Variants in PAN3 observed in about 807,000 individuals in gnomAD.
PAN3 encodes PAN2-PAN3 deadenylation complex subunit PAN3.
In PAN3, 19 loss-of-function variants were observed where a neutral mutation model predicts 96.2. The ratio of observed to expected loss-of-function variants is 0.20; its 90% CI spans 0.14 to 0.29. The LOEUF (loss-of-function observed/expected upper bound fraction) is 0.29. Ranked by LOEUF, PAN3 falls within the 10% of genes least tolerant of loss-of-function variation. PAN3 has a pLI of 1.00. For missense variants in PAN3, 882 were observed against 1,108.1 expected (o/e 0.80, Z 2.90); for synonymous variants, 433 against 406.6 (o/e 1.06, Z -0.78).
intron 1 of PAN3, among the ~76,000 whole-genome samples, chr13:28,153,268 G>A (rs949023959): frequency 4.1e-5 from 5 of 121,136 alleles, no homozygotes; most frequent in Non-Finnish European, 7.9e-5. Context: ...ACCGAGTCTC[G>A]CTCTGTTGCC....
At chr13:28,289,744 T>C (rs920495684) in intron 18 of PAN3, among the ~76,000 whole-genome samples, 4 of 152,136 alleles carry the variant, frequency 2.6e-5, no homozygotes, top group Non-Finnish European at 5.9e-5. Flanking sequence ...TAGCCGGGCA[T>C]GGTGACAGGC....
At chr13:28,171,302 T>G (rs923656997) in intron 1 of PAN3, among the ~76,000 whole-genome samples, 4 of 152,176 alleles carry the variant, frequency 2.6e-5, no homozygotes, top group African/African-American at 9.7e-5. Flanking sequence ...ACAACACTTT[T>G]GACACCAGAA....
intron 4 of PAN3, 53 bp from the exon 5 acceptor site, chr13:28,197,129 TAGA>T: frequency 6.4e-7 from 1 of 1,558,052 alleles, no homozygotes; most frequent in Non-Finnish European, 8.7e-7. Flanking sequence ...TATGTTAGTT[TAGA>T]TTAGTGTGGG....
intron 1 of PAN3, among the ~76,000 whole-genome samples, chr13:28,163,456 A>G (rs1366324524): frequency 1.3e-5 from 2 of 152,212 alleles, no homozygotes; most frequent in Non-Finnish European, 2.9e-5. Context: ...AAAACATACT[A>G]GGCACTTTAC....
At chr13:28,237,951 A>G (rs1283654499) in intron 6 of PAN3, among the ~76,000 whole-genome samples, 1 of 152,228 alleles carries the variant, frequency 6.6e-6, no homozygotes, top group Non-Finnish European at 1.5e-5. Context: ...AATTAAGTAT[A>G]TTGGTGTTGG....
intron 1 of PAN3, among the ~76,000 whole-genome samples, chr13:28,146,317 T>C (rs1272809464): frequency 2.0e-5 from 3 of 151,770 alleles, no homozygotes; most frequent in Non-Finnish European, 4.4e-5. Context: ...TCTCTCTCTC[T>C]CTCTCTCTCA....
chr13:28,286,586 G>A (rs987041749), intron 17 of PAN3, among the ~76,000 whole-genome samples: 1 of 152,134 alleles, frequency 6.6e-6, no homozygotes, highest in African/African-American at 2.4e-5. Context: ...TAGAATTAGG[G>A]TTCAGTTTTG....
At chr13:28,276,754 C>T (rs566593955) in intron 14 of PAN3, among the ~76,000 whole-genome samples, 1 of 152,282 alleles carries the variant, frequency 6.6e-6, no homozygotes, top group East Asian at 1.9e-4. Flanking sequence ...TCAGATAATC[C>T]TTCACATTCC....
Position 28,289,879 on chromosome 13 carries a change from C to G in PAN3, c.2523+1757C>G, listed in dbSNP as rs147141893. Among the ~76,000 whole-genome samples the G allele has an allele frequency of 7.2e-3, 1,093 of 151,118 alleles. 13 individuals are homozygous for G. The highest frequency in any genetic ancestry group is 0.026 in the African/African-American group (1,057 of 41,194). ...TCTGGCCGATAGAGCGAGACTCCGT[C>G]TCAAAAAAAAAAGAAAGAAAAGATT... On this transcript the variant is annotated intron_variant, in intron 18 of 18. Coordinates refer to ENST00000380958, the MANE Select transcript of PAN3 (RefSeq NM_175854.8).
At chr13:28,280,635 T>C in intron 16 of PAN3, 94 bp downstream of exon 16, 3 of 1,155,498 alleles carry the variant, frequency 2.6e-6, no homozygotes, top group Admixed American at 5.9e-5. Context: ...TATCTCGGCT[T>C]ACTGTAACCT....
chr13:28,176,339 A>T (rs1209627716), intron 2 of PAN3, among the ~76,000 whole-genome samples, 154 bp from the exon 3 acceptor site: 3 of 152,170 alleles, frequency 2.0e-5, no homozygotes, highest in Non-Finnish European at 4.4e-5. Flanking sequence ...ACATAGTTGT[A>T]ATCCAAGCAG....
At chr13:28,161,210 T>C (rs1872843833) in intron 1 of PAN3, among the ~76,000 whole-genome samples, 1 of 152,172 alleles carries the variant, frequency 6.6e-6, no homozygotes, top group African/African-American at 2.4e-5. Flanking sequence ...GGCGGGGAGC[T>C]TACACAACAG....
At chr13:28,167,732 T>A (rs1384861676) in intron 1 of PAN3, among the ~76,000 whole-genome samples, 2 of 150,130 alleles carry the variant, frequency 1.3e-5, no homozygotes, top group Non-Finnish European at 3.0e-5. Flanking sequence ...TAGTCCCACC[T>A]ATTTGGGGGC....
At chr13:28,162,101 C>T (rs1447129739) in intron 1 of PAN3, among the ~76,000 whole-genome samples, 1 of 152,148 alleles carries the variant, frequency 6.6e-6, no homozygotes, top group Non-Finnish European at 1.5e-5. Context: ...ACTGGGCATG[C>T]CAGTATACTG....
chr13:28,200,321 C>T (rs957595104), intron 5 of PAN3, among the ~76,000 whole-genome samples: 1 of 152,176 alleles, frequency 6.6e-6, no homozygotes, highest in Non-Finnish European at 1.5e-5. Flanking sequence ...TCCTCTGTGC[C>T]ATTTAACTAC....
At chr13:28,166,220 G>A (rs141043879) in intron 1 of PAN3, among the ~76,000 whole-genome samples, 3 of 152,248 alleles carry the variant, frequency 2.0e-5, no homozygotes, top group Admixed American at 2.0e-4. Context: ...GACAAGTTAC[G>A]CTTTTCTAAA....
At chr13:28,257,690 A>AAATATATATTATATATATTATATAT (rs1566234739) in intron 7 of PAN3, among the ~76,000 whole-genome samples, 2 of 138,774 alleles carry the variant, frequency 1.4e-5, no homozygotes, top group African/African-American at 2.8e-5. Flanking sequence ...TAAATTATAT[A>AAATATATATTATATATATTATATAT]AATATATATT....
chr13:28,279,965 A>C (rs1189544065), intron 15 of PAN3, among the ~76,000 whole-genome samples: 1 of 151,102 alleles, frequency 6.6e-6, no homozygotes, highest in East Asian at 2.0e-4. Flanking sequence ...ATGCCCAGCT[A>C]ATTTTGTATT....
intron 4 of PAN3, among the ~76,000 whole-genome samples, chr13:28,183,521 T>A (rs1276296383): frequency 6.6e-6 from 1 of 152,240 alleles, no homozygotes; most frequent in East Asian, 1.9e-4. Flanking sequence ...CTTAGAGATA[T>A]GTTTTCCTTT....
Sources: gnomAD v4.1 joint callset for allele counts (sites outside exome capture counted in the v4.1 genomes callset) on GRCh38, gnomAD v4.1.1 for gene constraint, MANE v1.5 for transcripts, NCBI Gene and HGNC (gene_info 2026-07-23, HGNC 2026-07-21) for gene names.